ATP10B: variants seen among roughly 807,000 people sequenced by gnomAD.
The protein encoded by ATP10B is ATPase phospholipid transporting 10B (putative).
In ATP10B, 122 loss-of-function variants were observed where a neutral mutation model predicts 141.2. The observed-to-expected ratio is 0.86, with a 90% CI of 0.75 to 1.00. The LOEUF (loss-of-function observed/expected upper bound fraction) is 1.00, where lower values mean the gene tolerates loss of function less well. ATP10B is among the 50% of genes least tolerant of loss of function. The probability of loss-of-function intolerance (pLI) is 0.00; values close to 1 mark genes in which losing one functional copy is unlikely to be tolerated. For synonymous variants in ATP10B, 685 were observed against 692.0 expected, an observed-to-expected ratio of 0.99 and a Z score of 0.16; for missense variants, 1,876 against 1,825.3, an observed-to-expected ratio of 1.03 and a Z score of -0.51.
At chr5:160,678,089 G>A (rs907419728) in intron 6 of ATP10B, among the ~76,000 whole-genome samples, 4 of 152,058 alleles carry the variant, frequency 2.6e-5, no homozygotes, top group African/African-American at 9.7e-5. Context: ...AAAGAAAGAG[G>A]GCTAACCTCT....
intron 21 of ATP10B, among the ~76,000 whole-genome samples, chr5:160,599,668 T>G (rs781197965): frequency 3.9e-5 from 6 of 152,202 alleles, no homozygotes; most frequent in Non-Finnish European, 5.9e-5. Context: ...ACTTTCCTAA[T>G]GGTCATGCAG....
chr5:160,794,452 C>T (rs1282657240), intron 1 of ATP10B, among the ~76,000 whole-genome samples: 6 of 152,170 alleles, frequency 3.9e-5, no homozygotes, highest in Admixed American at 2.0e-4. Context: ...AGTCACTTGA[C>T]TTAAACCAAA....
intron 2 of ATP10B, among the ~76,000 whole-genome samples, chr5:160,733,654 T>C (rs1173796285): frequency 7.2e-6 from 1 of 138,672 alleles, no homozygotes; most frequent in Non-Finnish European, 1.5e-5. Context: ...GTGTAACACA[T>C]ATATGTAACG....
chr5:160,921,608 ACT>A, the ATP10B span, among the ~76,000 whole-genome samples: 1 of 152,038 alleles, frequency 6.6e-6, no homozygotes, highest in East Asian at 1.9e-4. Flanking sequence ...TTTTATAGTC[ACT>A]CTCTGTTTGT....
chr5:160,869,478 GAA>G, the ATP10B span, among the ~76,000 whole-genome samples: 6 of 150,868 alleles, frequency 4.0e-5, no homozygotes, highest in African/African-American at 1.5e-4. Context: ...TTCAGTTGGG[GAA>G]AAAAAAAGTC....
At chr5:160,729,689 G>A (rs1183984108) in intron 2 of ATP10B, among the ~76,000 whole-genome samples, 1 of 152,202 alleles carries the variant, frequency 6.6e-6, no homozygotes, top group Non-Finnish European at 1.5e-5. Flanking sequence ...TAGGTCAAAA[G>A]GTCTTTCCAA....
At chr5:160,857,474 G>C in the ATP10B span, among the ~76,000 whole-genome samples, 1 of 151,758 alleles carries the variant, frequency 6.6e-6, no homozygotes, top group East Asian at 1.9e-4. Context: ...TCTTTTAAAA[G>C]AACCAGCTCT....
chr5:160,798,446 A>G (rs1772116055), intron 1 of ATP10B, among the ~76,000 whole-genome samples: 1 of 152,192 alleles, frequency 6.6e-6, no homozygotes, highest in Admixed American at 6.5e-5. Context: ...AGACAAAGAC[A>G]GAGACAGACA....
At chr5:160,721,221 C>T (rs1765981823) in intron 2 of ATP10B, among the ~76,000 whole-genome samples, 1 of 152,166 alleles carries the variant, frequency 6.6e-6, no homozygotes, top group Non-Finnish European at 1.5e-5. Context: ...TTAATACATC[C>T]TGAACAATGA....
intron 2 of ATP10B, among the ~76,000 whole-genome samples, chr5:160,724,251 CT>C (rs35786358): frequency 0.18 from 19,547 of 106,992 alleles, 2,096 homozygotes; most frequent in East Asian, 0.6. Flanking sequence ...GCTATAATTC[CT>C]TTTTTTTTTT....
intron 3 of ATP10B, among the ~76,000 whole-genome samples, chr5:160,693,913 G>GT (rs1373107303): frequency 6.6e-6 from 1 of 152,210 alleles, no homozygotes; most frequent in Non-Finnish European, 1.5e-5. Flanking sequence ...CTATGGGCCC[G>GT]TGGCCCAGGG....
intron 2 of ATP10B, among the ~76,000 whole-genome samples, chr5:160,735,945 A>G (rs554252262): frequency 1.3e-5 from 2 of 152,306 alleles, no homozygotes; most frequent in South Asian, 2.1e-4. Context: ...GAAACAAATG[A>G]TAATGGAAAC....
the ATP10B span, among the ~76,000 whole-genome samples, chr5:160,908,198 G>C: frequency 6.6e-6 from 1 of 152,128 alleles, no homozygotes; most frequent in African/African-American, 2.4e-5. Flanking sequence ...ACTAAAAGAG[G>C]AAATGACATC....
At chr5:160,676,016 T>C (rs1561739828) in intron 6 of ATP10B, among the ~76,000 whole-genome samples, 1 of 152,124 alleles carries the variant, frequency 6.6e-6, no homozygotes, top group Non-Finnish European at 1.5e-5. Flanking sequence ...AGTCAGCAGA[T>C]TGGAGCTGAA....
chr5:160,834,691 T>C (rs914585301), intron 1 of ATP10B, among the ~76,000 whole-genome samples: 1 of 152,180 alleles, frequency 6.6e-6, no homozygotes, highest in Non-Finnish European at 1.5e-5. Context: ...CACAATGTGC[T>C]TTCAGACACT....
At chr5:160,633,768 C>T (rs574946233) in intron 12 of ATP10B, 145 of 163,118 alleles carry the variant, frequency 8.9e-4, no homozygotes, top group Admixed American at 2.3e-3. Context: ...GGGAGGGGAA[C>T]GAAGTTGGGC....
At position 160,620,862 on chromosome 5, in the gene ATP10B, C is replaced by T. The variant is rs1233507963; in HGVS notation, c.1901G>A (p.Ser634Asn). ...LFQKLKLLSLSQSFSSTAPSD... is the reference protein window; with the variant it reads ...LFQKLKLLSLNQSFSSTAPSD... The stretch of plus-strand genomic sequence containing the variant: ...GGGTGCAGTGGATGAGAATGACTGG[C>T]TGAGGCTCAATAGCTTCAACTTCTG... The change falls in exon 15 of 26, where the codon AGC becomes AAC. Residue 634 changes from serine (S) to asparagine (N), a missense_variant. Physicochemically the swap from Ser to Asn is conservative, Grantham distance 46. Transcript: ENST00000327245. 14 of 1,614,096 alleles carry T rather than the reference C, an allele frequency of 8.7e-6. No homozygotes were observed. The highest frequency in any genetic ancestry group is 1.2e-5 in the Non-Finnish European group (14 of 1,180,046).
rs1173651816 is a variant in ATP10B, at chr5:160,652,938, TG to T, written c.676-3683del. Reference sequence around the variant, plus strand: ...GTATATATAATATATTATATATACATGTATATATAATATATTATATATACAT... The same window carrying T: ...GTATATATAATATATTATATATACATTATATATAATATATTATATATACAT... On this transcript the variant is annotated intron_variant, in intron 7 of 25. Coordinates refer to ENST00000327245, the MANE Select transcript of ATP10B (RefSeq NM_025153.3). 4.6e-4 allele frequency among the ~76,000 whole-genome samples: 38 copies of T among 82,386 alleles called. 1 individual carries two copies. The highest frequency in any genetic ancestry group is 1.4e-3 in the South Asian group (4 of 2,956). 54.0% of individuals were successfully genotyped at this position (82,386 alleles called of 152,430 possible).
intron 2 of ATP10B, among the ~76,000 whole-genome samples, chr5:160,721,360 C>T (rs1419587389): frequency 6.6e-6 from 1 of 152,130 alleles, no homozygotes; most frequent in East Asian, 1.9e-4. Context: ...AGGGCTAATG[C>T]TCTCACTTTT....
Sources: gnomAD v4.1 joint callset for allele counts (sites outside exome capture counted in the v4.1 genomes callset) on GRCh38, gnomAD v4.1.1 for gene constraint, MANE v1.5 for transcripts, NCBI Gene and HGNC (gene_info 2026-07-23, HGNC 2026-07-21) for gene names.